Variants in SRPK1 observed in about 807,000 individuals in gnomAD.
The protein encoded by SRPK1 is SRSF protein kinase 1, also known as SFRS protein kinase 1.
In SRPK1, 52 loss-of-function variants were observed where a neutral mutation model predicts 89.5. The observed-to-expected ratio is 0.58, with a 90% CI of 0.46 to 0.73. SRPK1 has a LOEUF of 0.73. Ranked by LOEUF, SRPK1 falls within the 30% of genes least tolerant of loss-of-function variation. The pLI, the probability that SRPK1 is intolerant of heterozygous loss-of-function variation, is 0.00. For synonymous variants in SRPK1, 255 were observed against 270.2 expected (o/e 0.94, Z 0.55); for missense variants, 603 against 780.6 (o/e 0.77, Z 2.71).
At chr6:35,845,278 ATG>A (rs34272649) in intron 13 of SRPK1, among the ~76,000 whole-genome samples, 47,800 of 151,982 alleles carry the variant, frequency 0.31, 7,734 homozygotes, top group South Asian at 0.42. Flanking sequence ...TGATGTGCCA[ATG>A]TAGGTTCATT....
intron 6 of SRPK1, among the ~76,000 whole-genome samples, chr6:35,882,967 C>T (rs953556169): frequency 6.6e-6 from 1 of 152,140 alleles, no homozygotes; most frequent in Admixed American, 6.5e-5. Context: ...TGCCACCACG[C>T]CTCGCTAATT....
intron 6 of SRPK1, among the ~76,000 whole-genome samples, chr6:35,877,837 C>T (rs9462142): frequency 1.5e-5 from 2 of 136,086 alleles, no homozygotes; most frequent in Non-Finnish European, 3.2e-5. Context: ...CCACTGACTC[C>T]GTCTCAAAAA....
chr6:35,885,214 T>C (rs562630506), intron 6 of SRPK1, among the ~76,000 whole-genome samples: 7 of 143,588 alleles, frequency 4.9e-5, no homozygotes, highest in Non-Finnish European at 1.1e-4. Flanking sequence ...CGACACCCTG[T>C]GTAGGTTTTT....
At chr6:35,853,764 C>A (rs1397684645) in intron 13 of SRPK1, among the ~76,000 whole-genome samples, 1 of 152,126 alleles carries the variant, frequency 6.6e-6, no homozygotes, top group South Asian at 2.1e-4. Context: ...AAAAGGAAGA[C>A]AACTGGGGAC....
At position 35,890,912 on chromosome 6, in the gene SRPK1, G is replaced by A; in HGVS notation, c.176C>T (p.Pro59Leu). The A allele has an allele frequency of 6.4e-7, 1 of 1,551,350 alleles. No homozygotes were observed. The highest frequency in any genetic ancestry group is 2.0e-5 in the Admixed American group (1 of 50,874). The change falls in exon 3 of 16, where the codon CCT (proline) becomes CTT (leucine). Residue 59 changes from proline (P) to leucine (L), a missense_variant. Pro to Leu is a moderately conservative substitution (Grantham distance 98, BLOSUM62 -3). Transcript: ENST00000373825. ...GAACTTACCTTTACAATAATCATTAGGATCTTCTTGCTCATCATCATCAGA... is the reference window on the plus strand; with the variant it reads ...GAACTTACCTTTACAATAATCATTAAGATCTTCTTGCTCATCATCATCAGA... ...LGSDDDEQED[P>L]NDYCKGGYHL...
chr6:35,861,328 A>T (rs542791736), intron 12 of SRPK1, among the ~76,000 whole-genome samples: 1 of 152,340 alleles, frequency 6.6e-6, no homozygotes, highest in Non-Finnish European at 1.5e-5. Flanking sequence ...CTCGGGCCTG[A>T]CATGCAGAAC....
chr6:35,904,925 T>C, intron 2 of SRPK1: 1 of 423,128 alleles, frequency 2.4e-6, no homozygotes, highest in African/African-American at 2.1e-5. Context: ...GAGGATCCCT[T>C]GAGGCCAGGA....
At chr6:35,878,297 C>T (rs1490750823) in intron 6 of SRPK1, among the ~76,000 whole-genome samples, 4 of 152,058 alleles carry the variant, frequency 2.6e-5, no homozygotes, top group Non-Finnish European at 2.9e-5. Context: ...ATCTTGATGC[C>T]AGGTAATAAA....
intron 15 of SRPK1, among the ~76,000 whole-genome samples, chr6:35,836,523 C>T (rs1055195818): frequency 4.6e-5 from 7 of 151,994 alleles, no homozygotes; most frequent in African/African-American, 7.2e-5. Context: ...GAGGCTGAGT[C>T]GGGTGGATCA....
chr6:35,856,907 A>G (rs115361589), intron 13 of SRPK1: 6,597 of 178,008 alleles, frequency 0.037, 405 homozygotes, highest in African/African-American at 0.14. Context: ...AGCAGTTTCC[A>G]GGGGTTTCTT....
intron 2 of SRPK1, among the ~76,000 whole-genome samples, chr6:35,917,209 A>C (rs1161217979): frequency 2.0e-5 from 3 of 152,248 alleles, no homozygotes; most frequent in African/African-American, 7.2e-5. Context: ...TCATAGACAC[A>C]GGACAGTATG....
intron 12 of SRPK1, among the ~76,000 whole-genome samples, chr6:35,860,661 G>A (rs139320989): frequency 6.6e-6 from 1 of 152,202 alleles, no homozygotes; most frequent in African/African-American, 2.4e-5. Context: ...TGGTAAACCA[G>A]AAAAACTTTG....
At chr6:35,881,434 TATAG>T (rs1300905830) in intron 6 of SRPK1, among the ~76,000 whole-genome samples, 1 of 55,462 alleles carries the variant, frequency 1.8e-5, no homozygotes, top group Non-Finnish European at 3.5e-5. Context: ...CACATATAGA[TATAG>T]ATATAGATAT....
At chr6:35,888,532 T>A (rs779726666) in intron 4 of SRPK1, among the ~76,000 whole-genome samples, 4 of 151,898 alleles carry the variant, frequency 2.6e-5, no homozygotes, top group Non-Finnish European at 5.9e-5. Context: ...AATACTTCGG[T>A]GAAAAGAAAA....
chr6:35,878,620 G>A (rs1244858179), intron 6 of SRPK1, among the ~76,000 whole-genome samples: 2 of 152,094 alleles, frequency 1.3e-5, no homozygotes, highest in Non-Finnish European at 2.9e-5. Flanking sequence ...AGCCATGGTG[G>A]GCAAAAAGGA....
chr6:35,883,195 G>A (rs1343826821), intron 6 of SRPK1, among the ~76,000 whole-genome samples: 1 of 152,054 alleles, frequency 6.6e-6, no homozygotes, highest in Non-Finnish European at 1.5e-5. Flanking sequence ...GTGGCAGGTG[G>A]ATCGCCAACA....
chr6:35,845,965 T>C (rs1179136541), intron 13 of SRPK1, among the ~76,000 whole-genome samples: 1 of 152,254 alleles, frequency 6.6e-6, no homozygotes, highest in African/African-American at 2.4e-5. Flanking sequence ...TCAAATTTCC[T>C]GTCTTCAACA....
rs375566508 is a variant in SRPK1, at chr6:35,920,485, C to A, written c.57G>T (p.Lys19Asn). 6.2e-7 allele frequency: 1 copy of A among 1,613,458 alleles called. No homozygotes were observed. Reference protein sequence around the residue: ...QARKKRTKAKKDKAQRKSETQ... With the variant: ...QARKKRTKAKNDKAQRKSETQ... ...AGACTCACTTCCTTTGGGCTTTGTCCTTCTTGGCCTTGGTCCTTTTCTTTC... is the reference window on the plus strand; with the variant it reads ...AGACTCACTTCCTTTGGGCTTTGTCATTCTTGGCCTTGGTCCTTTTCTTTC... The change falls in exon 2 of 16, where the codon AAG becomes AAT. Residue 19 changes from lysine (K) to asparagine (N), a missense_variant. Transcript: ENST00000373825.
intron 2 of SRPK1, among the ~76,000 whole-genome samples, chr6:35,897,383 G>T (rs550070743): frequency 6.6e-6 from 1 of 152,324 alleles, no homozygotes; most frequent in African/African-American, 2.4e-5. Flanking sequence ...GTATGCTGGA[G>T]ATGTGCACGT....
Sources: gnomAD v4.1 joint callset for allele counts (sites outside exome capture counted in the v4.1 genomes callset) on GRCh38, gnomAD v4.1.1 for gene constraint, MANE v1.5 for transcripts, NCBI Gene and HGNC (gene_info 2026-07-23, HGNC 2026-07-21) for gene names.